AK7: variants seen among roughly 807,000 people sequenced by gnomAD.
AK7 encodes adenylate kinase 7.
A neutral mutation model predicts 96.6 loss-of-function variants in AK7; 78 were observed. The ratio of observed to expected loss-of-function variants is 0.81; its 90% CI spans 0.67 to 0.97. The LOEUF is 0.97. AK7 is among the 50% of genes least tolerant of loss of function. The pLI is 0.00. For synonymous variants in AK7, 302 were observed against 317.2 expected (o/e 0.95, Z 0.51); for missense variants, 855 against 887.9 (o/e 0.96, Z 0.47).
intron 5 of AK7, among the ~76,000 whole-genome samples, chr14:96,437,132 C>A (rs903821433): frequency 1.3e-5 from 2 of 151,860 alleles, no homozygotes; most frequent in Non-Finnish European, 2.9e-5. Flanking sequence ...ATGAATAAGA[C>A]CTACTATTTG....
intron 12 of AK7, among the ~76,000 whole-genome samples, chr14:96,466,941 G>A (rs1894599366): frequency 6.6e-6 from 1 of 151,148 alleles, no homozygotes; most frequent in South Asian, 2.1e-4. Flanking sequence ...CTAAAGTCTC[G>A]GGCAGCAATG....
intron 15 of AK7, among the ~76,000 whole-genome samples, chr14:96,482,741 C>G (rs1428656241): frequency 6.6e-6 from 1 of 152,162 alleles, no homozygotes. Flanking sequence ...TCCATTCCCC[C>G]ATTCAACCAC....
At chr14:96,422,877 C>T (rs551219022) in intron 5 of AK7, among the ~76,000 whole-genome samples, 1 of 151,980 alleles carries the variant, frequency 6.6e-6, no homozygotes, top group African/African-American at 2.4e-5. Flanking sequence ...ATGGGAATGC[C>T]CTGACAATGA....
At chr14:96,431,423 T>G (rs1376483723) in intron 5 of AK7, among the ~76,000 whole-genome samples, 1 of 152,244 alleles carries the variant, frequency 6.6e-6, no homozygotes, top group African/African-American at 2.4e-5. Context: ...CTCTACACAC[T>G]GCTTTGAATG....
chr14:96,486,919 A>T lies in AK7; in HGVS notation c.1996A>T (p.Lys666Ter). Residue 666 changes from lysine (K) to a stop codon, truncating the protein, a stop_gained, in exon 17 of 18, where the codon AAA becomes TAA. Transcript: ENST00000267584. LOFTEE classifies it high-confidence loss of function. ...EEWNKRLEEV[K>*]REERELLEAQ... is the part of the protein sequence containing the mutation. Reference sequence around the variant, plus strand: ...TTAGAATAAACGACTGGAGGAAGTGAAAAGAGAAGAAAGAGAATTACTGGA... The same window carrying T: ...TTAGAATAAACGACTGGAGGAAGTGTAAAGAGAAGAAAGAGAATTACTGGA... 2.5e-6 allele frequency: 4 copies of T among 1,613,990 alleles called. No individual in the cohort carries two copies. Among genetic ancestry groups the T allele is most frequent in the Non-Finnish European group, 3.4e-6 (4 of 1,179,916 alleles).
At chr14:96,454,919 C>T (rs1019803416) in intron 10 of AK7, among the ~76,000 whole-genome samples, 1 of 152,140 alleles carries the variant, frequency 6.6e-6, no homozygotes, top group Non-Finnish European at 1.5e-5. Flanking sequence ...AATCCTACCA[C>T]TTTGGGAGGT....
intron 16 of AK7, among the ~76,000 whole-genome samples, chr14:96,485,323 C>T (rs1289091023): frequency 3.3e-5 from 5 of 152,006 alleles, no homozygotes; most frequent in Admixed American, 1.3e-4. Context: ...TATTATTTTG[C>T]AAAAAGAACT....
intron 14 of AK7, among the ~76,000 whole-genome samples, chr14:96,474,780 C>G (rs1895086453): frequency 6.6e-6 from 1 of 152,218 alleles, no homozygotes; most frequent in African/African-American, 2.4e-5. Flanking sequence ...TCATAACACC[C>G]ATAACATCCA....
chr14:96,406,916 C>T (rs1025659272), intron 3 of AK7, among the ~76,000 whole-genome samples: 1 of 152,122 alleles, frequency 6.6e-6, no homozygotes, highest in African/African-American at 2.4e-5. Flanking sequence ...TGGCCTCAAG[C>T]GATCCTCAGC....
chr14:96,480,429 CAA>C (rs113409063), intron 15 of AK7, among the ~76,000 whole-genome samples: 6 of 132,484 alleles, frequency 4.5e-5, no homozygotes, highest in Admixed American at 7.7e-5. Flanking sequence ...GACTCTGTCT[CAA>C]AAAAAAAAAA....
chr14:96,446,152 A>T (rs1472768323), intron 7 of AK7, among the ~76,000 whole-genome samples: 1 of 148,912 alleles, frequency 6.7e-6, no homozygotes, highest in African/African-American at 2.6e-5. Context: ...CTAGATGGGG[A>T]GGGCTTCATA....
rs1182289966 is a variant in AK7 at position 96,419,785 on chromosome 14, TTTTC to T, written c.499-1033_499-1030del. Among the ~76,000 whole-genome samples, 14 of 73,988 alleles carry T rather than the reference TTTTC, an allele frequency of 1.9e-4. No homozygotes were observed. The East Asian group carries it at 3.3e-3, about 17-fold the overall frequency. 48.5% of individuals were successfully genotyped at this position (73,988 alleles called of 152,430 possible). A position where few individuals can be genotyped will look rare whatever the true frequency, so the allele number is the denominator to read the frequency against. On this transcript the variant is annotated intron_variant, in intron 4 of 17. Coordinates refer to ENST00000267584, the MANE Select transcript of AK7 (RefSeq NM_152327.5). ...CTCCTAAAGCATTTTTTTTTCTTTC[TTTTC>T]TTTTTTTTTTTTTTTTGAGACAAAG...
rs141289669 is a variant in AK7, at chr14:96,398,317, C to A, written c.294+54C>A. 407 of 1,571,260 alleles carry A rather than the reference C, an allele frequency of 2.6e-4. 3 individuals carry two copies. The African/African-American group carries it at 4.8e-3, about 19-fold the overall frequency. ...AGACAGAGGGAAGAGTCACCTTCCG[C>A]TCCAACGCCTTGACAACTTGTTTTA... On this transcript the variant is annotated intron_variant, in intron 2 of 17. Coordinates refer to ENST00000267584, the MANE Select transcript of AK7 (RefSeq NM_152327.5).
At chr14:96,471,008 G>A (rs78315038) in intron 12 of AK7, among the ~76,000 whole-genome samples, 11,302 of 152,122 alleles carry the variant, frequency 0.074, 500 homozygotes, top group Middle Eastern at 0.099. Flanking sequence ...CTACATTACT[G>A]TGCATTAGAA....
intron 12 of AK7, among the ~76,000 whole-genome samples, chr14:96,465,190 C>G (rs1006198133): frequency 1.3e-5 from 2 of 151,968 alleles, no homozygotes; most frequent in Admixed American, 6.6e-5. Flanking sequence ...GAACGGGTGC[C>G]GTGGCTCACG....
Position 96,447,496 on chromosome 14 carries a change from C to CT in AK7, c.870+896dup, listed in dbSNP as rs546819053. ...TACCTGGCTAATTTTCATTCTTTTTCTTTTTTTGTCAAAATGAGGTCTCAC... is the reference window on the plus strand; with the variant it reads ...TACCTGGCTAATTTTCATTCTTTTTCTTTTTTTTGTCAAAATGAGGTCTCAC... On this transcript the variant is annotated intron_variant, in intron 8 of 17. Coordinates refer to ENST00000267584, the MANE Select transcript of AK7 (RefSeq NM_152327.5). Among the ~76,000 whole-genome samples, 4 of 151,954 alleles carry CT rather than the reference C, an allele frequency of 2.6e-5. No homozygotes were observed. The East Asian group carries it at 5.8e-4, about 22-fold the overall frequency.
intron 12 of AK7, among the ~76,000 whole-genome samples, chr14:96,469,090 C>T (rs1479944347): frequency 2.0e-5 from 3 of 152,124 alleles, no homozygotes; most frequent in Admixed American, 6.6e-5. Flanking sequence ...AATTACTGAG[C>T]ACTTTCGTTC....
At chr14:96,465,620 T>C (rs1894520480) in intron 12 of AK7, among the ~76,000 whole-genome samples, 1 of 152,162 alleles carries the variant, frequency 6.6e-6, no homozygotes, top group South Asian at 2.1e-4. Flanking sequence ...TTTATGAAAC[T>C]TGTCAGAGTT....
chr14:96,410,246 C>T, intron 4 of AK7, among the ~76,000 whole-genome samples: 1 of 152,154 alleles, frequency 6.6e-6, no homozygotes, highest in East Asian at 1.9e-4. Context: ...GCCATCACCT[C>T]AAGGAGCAGG....
Sources: gnomAD v4.1 joint callset for allele counts (sites outside exome capture counted in the v4.1 genomes callset) on GRCh38, gnomAD v4.1.1 for gene constraint, MANE v1.5 for transcripts, NCBI Gene and HGNC (gene_info 2026-07-23, HGNC 2026-07-21) for gene names.